Variants in CYBA observed in about 807,000 individuals in gnomAD.
CYBA encodes the protein cytochrome b-245 light chain.
CYBA carries 21 observed loss-of-function variants against 20.8 expected under a neutral mutation model. That is an observed-to-expected ratio of 1.01 (90% CI 0.72 to 1.46). The LOEUF is 1.46. Among genes scored for constraint, CYBA ranks in the 40% most tolerant of loss-of-function variants. The pLI is 0.00. For missense variants in CYBA, 344 were observed against 287.0 expected (o/e 1.20, Z -1.43); for synonymous variants, 164 against 127.5 (o/e 1.29, Z -1.93).
intron 5 of CYBA, chr16:88,645,582 C>G (rs182837281): frequency 1.6e-6 from 1 of 618,806 alleles, no homozygotes; most frequent in Non-Finnish European, 2.9e-6. Flanking sequence ...GCCCTGTCCT[C>G]CCACCCATCC....
chr16:88,646,932 T>C, intron 3 of CYBA, 94 bp from the exon 4 acceptor site: 2 of 1,249,572 alleles, frequency 1.6e-6, no homozygotes, highest in Non-Finnish European at 1.2e-6. Flanking sequence ...CACCCAGGCC[T>C]CTTTCCTCCC....
intron 5 of CYBA, chr16:88,644,799 T>C (rs1907216383): frequency 3.7e-6 from 1 of 267,616 alleles, no homozygotes; most frequent in Non-Finnish European, 7.3e-6. Context: ...CACTCCAGCC[T>C]GGGCGATGGC....
Position 88,643,310 on chromosome 16 carries a change from TG to T in CYBA, c.*42del, listed in dbSNP as rs1297582592. 7 of 1,381,430 alleles carry T rather than the reference TG, an allele frequency of 5.1e-6. 1 individual carries two copies. Among genetic ancestry groups the T allele is most frequent in the Non-Finnish European group, 6.8e-6 (7 of 1,034,118 alleles). 85.6% of individuals were successfully genotyped at this position (1,381,430 alleles called of 1,614,324 possible). ...GCGCTCCCGGCTTCGCTGCATTTAT[TG>T]CAGGTGGGTGCACCTGGCGGGAGGG... On this transcript the variant is annotated 3_prime_UTR_variant, in exon 6 of 6. Transcript: ENST00000261623. The surrounding 1 kb of genome is among the most constrained non-coding windows in gnomAD (Gnocchi z 4.3).
chr16:88,646,555 T>A lies in CYBA; in HGVS notation c.287+200A>T, dbSNP rs1391577538. On this transcript the variant is annotated intron_variant, in intron 4 of 5. Coordinates refer to ENST00000261623, the MANE Select transcript of CYBA (RefSeq NM_000101.4). Reference sequence around the variant, plus strand: ...GGCGACGGATCGGAGCTCCTCGGATTTGGAGTGGATCCTTACAAATCCTGC... The same window carrying A: ...GGCGACGGATCGGAGCTCCTCGGATATGGAGTGGATCCTTACAAATCCTGC... 7 of 704,250 alleles carry A rather than the reference T, an allele frequency of 9.9e-6. No individual in the cohort carries two copies. In the East Asian group the frequency reaches 1.6e-4, roughly 16 times the overall value. The allele number at this position is 704,250 out of a possible 1,614,324, so 43.6% of individuals were successfully genotyped here.
At chr16:88,647,024 C>T in intron 3 of CYBA, 77 bp downstream of exon 3, 3 of 1,415,890 alleles carry the variant, frequency 2.1e-6, no homozygotes, top group Non-Finnish European at 2.9e-6. Flanking sequence ...AGTGAGAAAC[C>T]AAGCTCCACC....
At chr16:88,649,970 G>A (rs1907444540) in intron 1 of CYBA, among the ~76,000 whole-genome samples, 1 of 152,172 alleles carries the variant, frequency 6.6e-6, no homozygotes, top group Admixed American at 6.5e-5. Flanking sequence ...CTTCTTGGCC[G>A]CTGACTCGAA....
In CYBA at chr16:88,643,626, C is replaced by A. The variant is rs1331192400; in HGVS notation, c.370-55G>T. On this transcript the variant is annotated intron_variant, in intron 5 of 5. Coordinates refer to ENST00000261623, the MANE Select transcript of CYBA (RefSeq NM_000101.4). This position sits in a 1 kb window ranked among gnomAD's most constrained non-coding sequence, Gnocchi z 4.3. ...CCCAGCGCCCGCCCTCCCTCCCTCC[C>A]TCCCTCCCCGGAGGCCCACCCCGCT... 1 of 1,492,128 alleles carries A rather than the reference C, an allele frequency of 6.7e-7. No individual in the cohort carries two copies. The highest frequency in any genetic ancestry group is 1.2e-5 in the South Asian group (1 of 82,736). The allele number at this position is 1,492,128 out of a possible 1,614,324, so 92.4% of individuals were successfully genotyped here.
rs72547284 is a variant in CYBA at position 88,643,461 on chromosome 16, C to T, written c.480G>A (p.Pro160=). 0.024 allele frequency: 37,175 copies of T among 1,530,872 alleles called. 549 individuals carry two copies. Among genetic ancestry groups the T allele is most frequent in the Middle Eastern group, 0.045 (198 of 4,416 alleles). The allele number at this position is 1,530,872 out of a possible 1,614,324, so 94.8% of individuals were successfully genotyped here. A position where few individuals can be genotyped will look rare whatever the true frequency, so the allele number is the denominator to read the frequency against. The part of the protein sequence containing the change: ...QPPSNPPPRP[P]AEARKKPSEE... Reference sequence around the variant, plus strand: ...CGCTGGGCTTCTTGCGGGCCTCGGCCGGGGGCCGCGGCGGGGGGTTGCTGG... The same window carrying T: ...CGCTGGGCTTCTTGCGGGCCTCGGCTGGGGGCCGCGGCGGGGGGTTGCTGG... Residue 160 remains proline, a synonymous_variant, in exon 6 of 6, where the codon CCG becomes CCA. Coordinates refer to ENST00000261623, the MANE Select transcript of CYBA (RefSeq NM_000101.4). The surrounding 1 kb of genome is among the most constrained non-coding windows in gnomAD (Gnocchi z 4.3).
chr16:88,646,029 G>A, intron 5 of CYBA, 87 bp downstream of exon 5: 1 of 1,144,568 alleles, frequency 8.7e-7, no homozygotes, highest in Non-Finnish European at 1.3e-6. Flanking sequence ...TACAGAGCCG[G>A]CTTCAAGGGC....
chr16:88,645,086 G>A (rs761099831), intron 5 of CYBA: 3 of 675,140 alleles, frequency 4.4e-6, no homozygotes, highest in East Asian at 2.7e-5. Context: ...CAGGGTGAAC[G>A]GTGCAGAGGC....
intron 3 of CYBA, 91 bp from the exon 4 acceptor site, chr16:88,646,929 G>T: frequency 8.0e-7 from 1 of 1,250,274 alleles, no homozygotes; most frequent in Non-Finnish European, 1.2e-6. Flanking sequence ...GGGCACCCAG[G>T]CCTCTTTCCT....
At position 88,645,962 on chromosome 16, in the gene CYBA, C is replaced by T. The variant is rs569289732; in HGVS notation, c.369+154G>A. On this transcript the variant is annotated intron_variant, in intron 5 of 5. Coordinates refer to ENST00000261623, the MANE Select transcript of CYBA (RefSeq NM_000101.4). Reference sequence around the variant, plus strand: ...AATGGCAGCAGCAACCGCTGCGTCCCCGCCGTGCTGTGAGCACACGCCCAG... The same window carrying T: ...AATGGCAGCAGCAACCGCTGCGTCCTCGCCGTGCTGTGAGCACACGCCCAG... 2.5e-4 allele frequency: 169 copies of T among 664,586 alleles called. No individual in the cohort carries two copies. In the African/African-American group the frequency reaches 2.6e-3, roughly 10 times the overall value. 41.2% of individuals were successfully genotyped at this position (664,586 alleles called of 1,614,324 possible). A position where few individuals can be genotyped will look rare whatever the true frequency, so the allele number is the denominator to read the frequency against.
At position 88,647,022 on chromosome 16, in the gene CYBA, A is replaced by T. The variant is rs1907312168; in HGVS notation, c.203+79T>A. 2.1e-6 allele frequency: 3 copies of T among 1,401,554 alleles called. No individual in the cohort carries two copies. The Admixed American group carries it at 5.7e-5, about 27-fold the overall frequency. The allele number at this position is 1,401,554 out of a possible 1,614,324, so 86.8% of individuals were successfully genotyped here. ...TGGTTCCGGAGCCTCCAAGTGAGAA[A>T]CCAAGCTCCACCCAACCCTGTGAGC... On this transcript the variant is annotated intron_variant, in intron 3 of 5. Transcript: ENST00000261623.
Position 88,649,159 on chromosome 16 carries a change from G to A in CYBA, c.59-1045C>T, listed in dbSNP as rs72558363. Among the ~76,000 whole-genome samples, 1,215 of 151,310 alleles carry A rather than the reference G, an allele frequency of 8.0e-3. 4 individuals carry two copies. The highest frequency in any genetic ancestry group is 0.012 in the African/African-American group (509 of 41,158). On this transcript the variant is annotated intron_variant, in intron 1 of 5. Coordinates refer to ENST00000261623, the MANE Select transcript of CYBA (RefSeq NM_000101.4). ...TCACTGTGTTAGCCAGGATGGTCTCGATCTCCTGACCTCGTGATCCGCCCG... is the reference window on the plus strand; with the variant it reads ...TCACTGTGTTAGCCAGGATGGTCTCAATCTCCTGACCTCGTGATCCGCCCG...
At chr16:88,646,495 A>G (rs1478329957) in intron 4 of CYBA, 1 of 697,722 alleles carries the variant, frequency 1.4e-6, no homozygotes, top group Admixed American at 2.0e-5. Flanking sequence ...AGCCCAGGCA[A>G]GACCCCCCAG....
In CYBA at chr16:88,643,612, C is replaced by CCCTA; in HGVS notation, c.370-42_370-41insTAGG. The CCCTA allele has an allele frequency of 1.4e-6, 2 of 1,426,542 alleles. No homozygotes were observed. The highest frequency in any genetic ancestry group is 1.9e-6 in the Non-Finnish European group (2 of 1,062,384). The allele number at this position is 1,426,542 out of a possible 1,614,324, so 88.4% of individuals were successfully genotyped here. A position where few individuals can be genotyped will look rare whatever the true frequency, so the allele number is the denominator to read the frequency against. ...GGGTTGAGCCGCGCCCCAGCGCCCG[C>CCCTA]CCTCCCTCCCTCCCTCCCTCCCCGG... On this transcript the variant is annotated intron_variant, in intron 5 of 5. Coordinates refer to ENST00000261623, the MANE Select transcript of CYBA (RefSeq NM_000101.4). This position sits in a 1 kb window ranked among gnomAD's most constrained non-coding sequence, Gnocchi z 4.3.
At chr16:88,648,414 C>A (rs867350668) in intron 1 of CYBA, among the ~76,000 whole-genome samples, 1 of 125,184 alleles carries the variant, frequency 8.0e-6, no homozygotes, top group African/African-American at 2.8e-5. Flanking sequence ...CCCAAATGGA[C>A]CCCCTTGTCA....
At position 88,647,081 on chromosome 16, in the gene CYBA, C is replaced by A; in HGVS notation, c.203+20G>T. 6.2e-7 allele frequency: 1 copy of A among 1,605,812 alleles called. No homozygotes were observed. The stretch of plus-strand genomic sequence containing the variant: ...GGCCCCGCAGCCCCCGGAGAGACCC[C>A]AGAGCAGGAGGAGACTCACCAGCGC... On this transcript the variant is annotated intron_variant, in intron 3 of 5. Transcript: ENST00000261623.
At chr16:88,650,446 G>T (rs1432488017) in intron 1 of CYBA, 3 of 458,992 alleles carry the variant, frequency 6.5e-6, no homozygotes, top group South Asian at 4.6e-5. Flanking sequence ...GGCGCCTTGT[G>T]AAATCTCAGA....
Sources: allele counts gnomAD v4.1 joint callset (sites outside exome capture counted in the v4.1 genomes callset), GRCh38; gene constraint gnomAD v4.1.1; non-coding constraint Gnocchi (gnomAD v3.1); transcripts MANE v1.5; gene names NCBI Gene and HGNC (gene_info 2026-07-23, HGNC 2026-07-21).